The following GRM1 variants were observed in gnomAD, a reference collection of about 807,000 sequenced individuals.
The protein encoded by GRM1 is glutamate metabotropic receptor 1.
Under a neutral mutation model 90.9 loss-of-function variants are expected in GRM1, and 33 were observed. The observed-to-expected ratio is 0.36, with a 90% CI of 0.28 to 0.49. The LOEUF (loss-of-function observed/expected upper bound fraction) is 0.49. GRM1 is among the 20% of genes least tolerant of loss of function. GRM1 has a pLI of 0.99. For missense variants in GRM1, 1,190 were observed against 1,534.3 expected, an observed-to-expected ratio of 0.78 and a Z score of 3.75; for synonymous variants, 700 against 613.2, an observed-to-expected ratio of 1.14 and a Z score of -2.09.
chr6:146,393,018 G>A (rs973104518), intron 6 of GRM1, among the ~76,000 whole-genome samples: 3 of 152,136 alleles, frequency 2.0e-5, no homozygotes, highest in South Asian at 2.1e-4. Flanking sequence ...CTTTATAGTA[G>A]AATGATTGGT....
intron 1 of GRM1, among the ~76,000 whole-genome samples, chr6:146,145,608 G>A (rs1044781739): frequency 6.6e-6 from 1 of 152,252 alleles, no homozygotes; most frequent in African/African-American, 2.4e-5. Context: ...AGCAAGAGCT[G>A]TGGTGGCTTG....
At chr6:146,337,073 C>A (rs1463523090) in intron 3 of GRM1, among the ~76,000 whole-genome samples, 3 of 152,176 alleles carry the variant, frequency 2.0e-5, no homozygotes, top group Non-Finnish European at 2.9e-5. Context: ...CCACAGAACT[C>A]CAAGGGCACC....
rs567478123 is a variant in GRM1 at position 146,138,054 on chromosome 6, G to C, written c.701-21294G>C. On this transcript the variant is annotated intron_variant, in intron 1 of 7. Transcript: ENST00000282753. ...CTTTATCAGTTCTAATAGTTTTTTT[G>C]ATGAAGTCTTTAGATTTTTTTCAAA... Among the ~76,000 whole-genome samples the C allele has an allele frequency of 1.2e-4, 18 of 151,926 alleles. No individual in the cohort carries two copies. In the East Asian group the frequency reaches 3.3e-3, roughly 28 times the overall value.
intron 7 of GRM1, among the ~76,000 whole-genome samples, chr6:146,407,284 T>A (rs559167637): frequency 6.6e-6 from 1 of 152,326 alleles, no homozygotes; most frequent in African/African-American, 2.4e-5. Context: ...CCCAGCCTGG[T>A]GCAGCAAATT....
intron 2 of GRM1, among the ~76,000 whole-genome samples, chr6:146,233,195 A>G (rs1274698963): frequency 6.6e-6 from 1 of 151,886 alleles, no homozygotes; most frequent in African/African-American, 2.4e-5. Context: ...TTAAGCCTGA[A>G]ACTTAGATCA....
In GRM1 at chr6:146,136,689, T is replaced by C. The variant is rs1776632900; in HGVS notation, c.701-22659T>C. Among the ~76,000 whole-genome samples, 3 of 152,110 alleles carry C rather than the reference T, an allele frequency of 2.0e-5. No homozygotes were observed. The South Asian group carries it at 6.2e-4, about 31-fold the overall frequency. On this transcript the variant is annotated intron_variant, in intron 1 of 7. Coordinates refer to ENST00000282753, the MANE Select transcript of GRM1 (RefSeq NM_001278064.2). Reference sequence around the variant, plus strand: ...TTATGGTGATTAATCCCTTGTCAGATGGGTAGTTTGCAAATAGAGCTGATA... The same window carrying C: ...TTATGGTGATTAATCCCTTGTCAGACGGGTAGTTTGCAAATAGAGCTGATA...
chr6:146,156,321 A>G (rs1211260188), intron 1 of GRM1, among the ~76,000 whole-genome samples: 1 of 152,174 alleles, frequency 6.6e-6, no homozygotes, highest in Non-Finnish European at 1.5e-5. Flanking sequence ...CAGGAGAATT[A>G]CTTGAACCCA....
At chr6:146,374,395 A>G (rs1225020128) in intron 5 of GRM1, among the ~76,000 whole-genome samples, 1 of 151,974 alleles carries the variant, frequency 6.6e-6, no homozygotes, top group African/African-American at 2.4e-5. Context: ...ATGAGTTTGG[A>G]AGTATTTTCT....
chr6:146,178,337 G>GGATT, intron 2 of GRM1, among the ~76,000 whole-genome samples: 1 of 152,198 alleles, frequency 6.6e-6, no homozygotes, highest in Non-Finnish European at 1.5e-5. Context: ...CAGAGGTAAA[G>GGATT]TGCCATTTTC....
chr6:146,180,771 C>G (rs1583124129), intron 2 of GRM1, among the ~76,000 whole-genome samples: 1 of 152,216 alleles, frequency 6.6e-6, no homozygotes, highest in South Asian at 2.1e-4. Context: ...AACCCACAGC[C>G]TGGTTTTACT....
intron 1 of GRM1, among the ~76,000 whole-genome samples, chr6:146,057,325 A>G (rs181246275): frequency 6.6e-6 from 1 of 152,268 alleles, no homozygotes; most frequent in Non-Finnish European, 1.5e-5. Context: ...AACATCTTGT[A>G]TCATAAATTG....
chr6:146,394,626 T>A (rs1011411974), intron 6 of GRM1, among the ~76,000 whole-genome samples: 1 of 152,118 alleles, frequency 6.6e-6, no homozygotes, highest in Non-Finnish European at 1.5e-5. Flanking sequence ...GGGTTGGGAA[T>A]GATGAGGTCA....
chr6:146,324,576 C>T (rs113212620), intron 3 of GRM1, among the ~76,000 whole-genome samples: 2,329 of 152,328 alleles, frequency 0.015, 16 homozygotes, highest in Non-Finnish European at 0.021. Flanking sequence ...GGAATCTCCT[C>T]ATCTGTGGGT....
intron 2 of GRM1, among the ~76,000 whole-genome samples, chr6:146,269,746 G>A (rs927358414): frequency 6.6e-5 from 10 of 152,110 alleles, no homozygotes; most frequent in Non-Finnish European, 1.3e-4. Context: ...CTGATGCCTG[G>A]TGATCTGAGG....
At chr6:146,278,546 C>T (rs1257579733) in intron 2 of GRM1, among the ~76,000 whole-genome samples, 4 of 152,220 alleles carry the variant, frequency 2.6e-5, no homozygotes, top group East Asian at 3.9e-4. Context: ...GAAGCCAAGG[C>T]GGGCGGATCA....
chr6:146,119,917 A>G (rs1056247534), intron 1 of GRM1, among the ~76,000 whole-genome samples: 1 of 152,086 alleles, frequency 6.6e-6, no homozygotes, highest in African/African-American at 2.4e-5. Flanking sequence ...TTGACTTGGC[A>G]ATGTGGGTTC....
intron 2 of GRM1, among the ~76,000 whole-genome samples, chr6:146,302,955 C>G (rs1214989672): frequency 6.6e-6 from 1 of 152,026 alleles, no homozygotes; most frequent in Non-Finnish European, 1.5e-5. Flanking sequence ...CAAAAAGAGT[C>G]TCTACCCTAG....
rs948610336 is a variant in GRM1, at chr6:146,139,834, T to G, written c.701-19514T>G. Among the ~76,000 whole-genome samples, 5 of 152,016 alleles carry G rather than the reference T, an allele frequency of 3.3e-5. No homozygotes were observed. The East Asian group carries it at 9.7e-4, about 30-fold the overall frequency. On this transcript the variant is annotated intron_variant, in intron 1 of 7. Coordinates refer to ENST00000282753, the MANE Select transcript of GRM1 (RefSeq NM_001278064.2). ...GTGTTATTACTGACAACTAAAAACCTACTCCTGCCATTTTGTTATTTGTTT... is the reference window on the plus strand; with the variant it reads ...GTGTTATTACTGACAACTAAAAACCGACTCCTGCCATTTTGTTATTTGTTT...
chr6:146,032,425 T>C (rs940773017), intron 1 of GRM1, among the ~76,000 whole-genome samples: 1 of 152,230 alleles, frequency 6.6e-6, no homozygotes, highest in Non-Finnish European at 1.5e-5. Flanking sequence ...TCTTTCCTTC[T>C]ATCTGGAAAG....
Sources: allele counts gnomAD v4.1 joint callset (sites outside exome capture counted in the v4.1 genomes callset), GRCh38; gene constraint gnomAD v4.1.1; transcripts MANE v1.5; gene names NCBI Gene and HGNC (gene_info 2026-07-23, HGNC 2026-07-21).